Variants in SLC25A21 observed in about 807,000 individuals in gnomAD.
SLC25A21 encodes solute carrier family 25 member 21, also known as mitochondrial 2-oxodicarboxylate carrier.
Under a neutral mutation model 43.8 loss-of-function variants are expected in SLC25A21, and 47 were observed. That is an observed-to-expected ratio of 1.07 (90% CI 0.85 to 1.37). The LOEUF is 1.37. SLC25A21 is among the 40% of genes most tolerant of loss of function. The pLI is 0.00. For synonymous variants in SLC25A21, 131 were observed against 121.3 expected (o/e 1.08, Z -0.52); for missense variants, 352 against 350.2 (o/e 1.00, Z -0.04).
At chr14:36,859,020 T>C (rs576691927) in intron 2 of SLC25A21, among the ~76,000 whole-genome samples, 86 of 152,206 alleles carry the variant, frequency 5.7e-4, no homozygotes, top group Non-Finnish European at 9.6e-4. Context: ...GAAGTTGCAG[T>C]TAACATTTTC....
chr14:36,755,010 ATAG>A (rs1374427409), intron 3 of SLC25A21, among the ~76,000 whole-genome samples: 1 of 152,204 alleles, frequency 6.6e-6, no homozygotes, highest in East Asian at 1.9e-4. Flanking sequence ...TGCTCAGAAA[ATAG>A]TAGAGGAAAA....
chr14:36,779,424 G>A, intron 3 of SLC25A21, among the ~76,000 whole-genome samples: 1 of 137,372 alleles, frequency 7.3e-6, no homozygotes, highest in African/African-American at 2.7e-5. Flanking sequence ...TATATATAAA[G>A]AATATTATCC....
chr14:36,744,964 C>A (rs1424099306), intron 3 of SLC25A21, among the ~76,000 whole-genome samples: 1 of 151,854 alleles, frequency 6.6e-6, no homozygotes, highest in Non-Finnish European at 1.5e-5. Flanking sequence ...CACCCATTAA[C>A]TCATCATTTA....
intron 1 of SLC25A21, among the ~76,000 whole-genome samples, chr14:36,973,078 A>G (rs1237367508): frequency 6.6e-6 from 1 of 150,678 alleles, no homozygotes; most frequent in Non-Finnish European, 1.5e-5. Context: ...GGGTCTTGCT[A>G]TGTTTTCCAG....
At chr14:37,159,025 T>A (rs61988265) in intron 1 of SLC25A21, among the ~76,000 whole-genome samples, 33,597 of 151,598 alleles carry the variant, frequency 0.22, 4,212 homozygotes, top group South Asian at 0.3. Flanking sequence ...TAAATATAAT[T>A]AAAGAGGTAA....
chr14:37,151,162 G>C (rs931418282), intron 1 of SLC25A21, among the ~76,000 whole-genome samples: 1 of 152,106 alleles, frequency 6.6e-6, no homozygotes, highest in African/African-American at 2.4e-5. Context: ...TCTCCCTACA[G>C]TAGTCTATTC....
intron 1 of SLC25A21, among the ~76,000 whole-genome samples, chr14:36,977,959 A>ATTTTT (rs1207658919): frequency 1.2e-4 from 18 of 151,198 alleles, no homozygotes; most frequent in Admixed American, 6.6e-4. Context: ...TTTTTTAAAA[A>ATTTTT]AAAAAAAAGA....
At chr14:37,101,520 TG>T (rs1962816739) in intron 1 of SLC25A21, among the ~76,000 whole-genome samples, 1 of 152,140 alleles carries the variant, frequency 6.6e-6, no homozygotes, top group African/African-American at 2.4e-5. Context: ...GCCAGATAAA[TG>T]AAAAATATTC....
chr14:36,828,033 T>A (rs542213296), intron 2 of SLC25A21, among the ~76,000 whole-genome samples: 20 of 152,288 alleles, frequency 1.3e-4, no homozygotes, highest in African/African-American at 3.1e-4. Context: ...ATTTGGTGGC[T>A]AGGACCGATG....
chr14:36,843,438 A>G (rs974561527), intron 2 of SLC25A21, among the ~76,000 whole-genome samples: 2 of 152,144 alleles, frequency 1.3e-5, no homozygotes, highest in Admixed American at 1.3e-4. Flanking sequence ...CCTTATTTCT[A>G]TTTTGTTATT....
chr14:36,785,251 T>C (rs1887205428), intron 3 of SLC25A21, among the ~76,000 whole-genome samples: 1 of 152,236 alleles, frequency 6.6e-6, no homozygotes, highest in Non-Finnish European at 1.5e-5. Flanking sequence ...AACTGCTTCA[T>C]CTTTTCCCCA....
intron 1 of SLC25A21, among the ~76,000 whole-genome samples, chr14:37,086,781 C>T (rs1301208293): frequency 6.6e-6 from 1 of 152,108 alleles, no homozygotes; most frequent in Non-Finnish European, 1.5e-5. Context: ...CGGAACACTA[C>T]CAAAAAGTGC....
chr14:36,824,413 A>G (rs942307781), intron 2 of SLC25A21, among the ~76,000 whole-genome samples: 1 of 152,188 alleles, frequency 6.6e-6, no homozygotes, highest in African/African-American at 2.4e-5. Context: ...GTTTCAAATG[A>G]GGACCCAATT....
chr14:37,055,381 A>G (rs2138803812), intron 1 of SLC25A21, among the ~76,000 whole-genome samples: 1 of 152,308 alleles, frequency 6.6e-6, no homozygotes, highest in African/African-American at 2.4e-5. Flanking sequence ...CCTGAAGTAG[A>G]TCATATGTGG....
chr14:36,907,716 T>C (rs1891574297), intron 1 of SLC25A21, among the ~76,000 whole-genome samples: 1 of 152,124 alleles, frequency 6.6e-6, no homozygotes, highest in Non-Finnish European at 1.5e-5. Context: ...GACTGGATGA[T>C]ATTACCTTAG....
intron 2 of SLC25A21, among the ~76,000 whole-genome samples, chr14:36,873,670 T>C (rs2138553742): frequency 6.6e-6 from 1 of 152,260 alleles, no homozygotes; most frequent in South Asian, 2.1e-4. Flanking sequence ...CCCTCCAGAA[T>C]GTGTATGTTG....
At chr14:36,925,712 T>TCC (rs1892112306) in intron 1 of SLC25A21, among the ~76,000 whole-genome samples, 1 of 152,080 alleles carries the variant, frequency 6.6e-6, no homozygotes. Context: ...CCAGGCATGG[T>TCC]AGCACATGCC....
At chr14:36,984,346 T>C (rs1482842855) in intron 1 of SLC25A21, among the ~76,000 whole-genome samples, 2 of 152,188 alleles carry the variant, frequency 1.3e-5, no homozygotes, top group East Asian at 3.9e-4. Flanking sequence ...AGGGGAAGTA[T>C]GAAATAGTTT....
chr14:36,681,746 TA>T (rs372912798), intron 9 of SLC25A21, among the ~76,000 whole-genome samples: 1 of 152,110 alleles, frequency 6.6e-6, no homozygotes, highest in Admixed American at 6.6e-5. Flanking sequence ...CTTTTTTTTT[TA>T]ATCTATAGGC....
Sources: allele counts gnomAD v4.1 joint callset (sites outside exome capture counted in the v4.1 genomes callset), GRCh38; gene constraint gnomAD v4.1.1; transcripts MANE v1.5; gene names NCBI Gene and HGNC (gene_info 2026-07-23, HGNC 2026-07-21).